The following KRTAP4-12 variants were observed in gnomAD, a reference collection of about 807,000 sequenced individuals.
KRTAP4-12 encodes keratin associated protein 4-12, also known as keratin-associated protein 4-12.
Under a neutral mutation model 0.9 loss-of-function variants are expected in KRTAP4-12, and 1 was observed. That is an observed-to-expected ratio of 1.11 (90% confidence interval 0.40 to 5.29). The LOEUF (loss-of-function observed/expected upper bound fraction) is 5.29. Among genes scored for constraint, KRTAP4-12 ranks in the 30% most tolerant of loss-of-function variants. The probability of loss-of-function intolerance (pLI) is 0.16; values close to 1 mark genes in which losing one functional copy is unlikely to be tolerated. For missense variants in KRTAP4-12, 240 were observed against 265.6 expected (o/e 0.90, Z 0.67); for synonymous variants, 85 against 94.0 (o/e 0.90, Z 0.55).
rs957384562 is a variant in KRTAP4-12 at position 41,123,162 on chromosome 17, G to A, written c.*355C>T. The stretch of plus-strand genomic sequence containing the variant: ...ACAAGGTACAAAAATGTTTGCAAAA[G>A]ACTTTAAGAGAGAGACTTCACTGGA... On this transcript the variant is annotated 3_prime_UTR_variant, in exon 1 of 1. Transcript: ENST00000394014. The A allele has an allele frequency of 5.2e-5, 20 of 385,684 alleles. No individual in the cohort carries two copies. The highest frequency in any genetic ancestry group is 9.2e-5 in the Non-Finnish European group (20 of 217,882). 23.9% of individuals were successfully genotyped at this position (385,684 alleles called of 1,614,324 possible).
Position 41,124,125 on chromosome 17 carries a change from T to A in KRTAP4-12, c.-3A>T. 6.2e-7 allele frequency: 1 copy of A among 1,606,482 alleles called. No homozygotes were observed. The highest frequency in any genetic ancestry group is 8.5e-7 in the Non-Finnish European group (1 of 1,175,064). On this transcript the variant is annotated 5_prime_UTR_variant, in exon 1 of 1. Transcript: ENST00000394014. ...GAGCCACAACAGGAGTTGACCATGG[T>A]GTCAGAGGGTGGAGGTTCTCGGTGG...
Position 41,123,104 on chromosome 17 carries a change from T to A in KRTAP4-12, c.*413A>T, listed in dbSNP as rs1001795255. ...AATCATATTCAATTTTCAGTGCCAATAGAATAGAGGTTTATTTTGGTACAT... is the reference window on the plus strand; with the variant it reads ...AATCATATTCAATTTTCAGTGCCAAAAGAATAGAGGTTTATTTTGGTACAT... On this transcript the variant is annotated 3_prime_UTR_variant, in exon 1 of 1. Transcript: ENST00000394014. 4.3e-6 allele frequency: 1 copy of A among 234,374 alleles called. No individual in the cohort carries two copies. Among genetic ancestry groups the A allele is most frequent in the African/African-American group, 2.3e-5 (1 of 43,614 alleles). The allele number at this position is 234,374 out of a possible 1,614,324, so 14.5% of individuals were successfully genotyped here.
chr17:41,123,688 G>A lies in KRTAP4-12; in HGVS notation c.435C>T (p.Cys145=), dbSNP rs769937997. Residue 145 remains cysteine (C), a synonymous_variant, in exon 1 of 1, where the codon TGC becomes TGT. Transcript: ENST00000394014. ...AGGGGCAGCAGCTGCTGGAGATGCA[G>A]CAGCTGGGGCGGCAGCAGGTGGGCT... is the stretch of plus-strand genomic sequence containing the variant. ...CCQPTCCRPS[C]CISSSCCPSC... The A allele has an allele frequency of 5.6e-6, 9 of 1,612,944 alleles. No individual in the cohort carries two copies. Among genetic ancestry groups the A allele is most frequent in the Middle Eastern group, 1.7e-4 (1 of 5,952 alleles).
Position 41,124,143 on chromosome 17 carries a change from C to T in KRTAP4-12, c.-21G>A, listed in dbSNP as rs747855182. 1.3e-6 allele frequency: 2 copies of T among 1,591,350 alleles called. No homozygotes were observed. The highest frequency in any genetic ancestry group is 4.5e-5 in the East Asian group (2 of 44,564). On this transcript the variant is annotated 5_prime_UTR_variant, in exon 1 of 1. Transcript: ENST00000394014. ...ACCATGGTGTCAGAGGGTGGAGGTT[C>T]TCGGTGGGTTTCCAGGAGAGTGAGT... is the stretch of plus-strand genomic sequence containing the variant.
chr17:41,123,548 C>A lies in KRTAP4-12; in HGVS notation c.575G>T (p.Arg192Leu). The change falls in exon 1 of 1, where the codon CGC (arginine) becomes CTC (leucine). Residue 192 changes from arginine to leucine, a missense_variant. By Grantham distance (102) the Arg-to-Leu change is moderately radical. Transcript: ENST00000394014. ...RPTCVISTCP[R>L]PLCCASSCC ...GCAAGAGGAGGCACAGCACAAGGGG[C>A]GGGGGCAGGTGGAGATGACACAGGT... 6.2e-7 allele frequency: 1 copy of A among 1,612,454 alleles called. No individual in the cohort carries two copies. The highest frequency in any genetic ancestry group is 8.5e-7 in the Non-Finnish European group (1 of 1,179,396).
Position 41,123,460 on chromosome 17 carries a change from G to A in KRTAP4-12, c.*57C>T. The stretch of plus-strand genomic sequence containing the variant: ...TGAACAGTCCGCATGTTTGCAATGA[G>A]AGCCTTCATCTGTAGGAAAGGACGT... On this transcript the variant is annotated 3_prime_UTR_variant, in exon 1 of 1. Transcript: ENST00000394014. 1 of 1,541,600 alleles carries A rather than the reference G, an allele frequency of 6.5e-7. No individual in the cohort carries two copies. The highest frequency in any genetic ancestry group is 2.0e-5 in the Admixed American group (1 of 50,910).
chr17:41,123,286 G>C lies in KRTAP4-12; in HGVS notation c.*231C>G. On this transcript the variant is annotated 3_prime_UTR_variant, in exon 1 of 1. Coordinates refer to ENST00000394014, the MANE Select transcript of KRTAP4-12 (RefSeq NM_031854.3). ...TGAATAAATGTCCTGAAGTCAAAGA[G>C]GTGGGAGGATGTTGGAGGACAATTT... 1.2e-6 allele frequency: 1 copy of C among 826,082 alleles called. No homozygotes were observed. The highest frequency in any genetic ancestry group is 1.9e-6 in the Non-Finnish European group (1 of 536,492). 51.2% of individuals were successfully genotyped at this position (826,082 alleles called of 1,614,324 possible).
chr17:41,123,596 C>T lies in KRTAP4-12; in HGVS notation c.527G>A (p.Cys176Tyr), dbSNP rs552681300. ...GGTTGGGCGATAGCAAGTGGTGTGGCAGGAGACTCGGCCACAGACTGGACG... is the reference window on the plus strand; with the variant it reads ...GGTTGGGCGATAGCAAGTGGTGTGGTAGGAGACTCGGCCACAGACTGGACG... ...CLRPVCGRVS[C>Y]HTTCYRPTCV... Residue 176 changes from cysteine to tyrosine, a missense_variant, in exon 1 of 1, where the codon TGC becomes TAC. Cys to Tyr is a radical substitution (Grantham distance 194). Around this residue, in one of 3 missense-constraint regions of KRTAP4-12, gnomAD observed 119 missense variants for 106.2 expected, o/e 1.12. Transcript: ENST00000394014. 6.2e-7 allele frequency: 1 copy of T among 1,612,802 alleles called. No individual in the cohort carries two copies. Among genetic ancestry groups the T allele is most frequent in the East Asian group, 2.2e-5 (1 of 44,844 alleles).
At position 41,124,052 on chromosome 17, in the gene KRTAP4-12, C is replaced by G. The variant is rs781409227; in HGVS notation, c.71G>C (p.Ser24Thr). 6.2e-7 allele frequency: 1 copy of G among 1,613,802 alleles called. No homozygotes were observed. The highest frequency in any genetic ancestry group is 1.1e-5 in the South Asian group (1 of 91,044). Residue 24 changes from serine (S) to threonine (T), a missense_variant, in exon 1 of 1, where the codon AGC becomes ACC. This residue lies in a region of KRTAP4-12 where 110 missense variants were observed against 115.0 expected (regional missense o/e 0.96). Transcript: ENST00000394014. ...CCTGCAGCAGGTGGTCTGGCAGCAGCTGGGGCGGCAGCAGTTCTCCAGGCC... is the reference window on the plus strand; with the variant it reads ...CCTGCAGCAGGTGGTCTGGCAGCAGGTGGGGCGGCAGCAGTTCTCCAGGCC... ...GCGLENCCRP[S>T]CCQTTCCRTT...
At position 41,123,386 on chromosome 17, in the gene KRTAP4-12, C is replaced by T. The variant is rs1464588515; in HGVS notation, c.*131G>A. On this transcript the variant is annotated 3_prime_UTR_variant, in exon 1 of 1. Coordinates refer to ENST00000394014, the MANE Select transcript of KRTAP4-12 (RefSeq NM_031854.3). ...TTGGACAAAAGGTAGAATGCAAATA[C>T]AGAATTTCTAAGGATGAGGTTTGCT... 5.6e-6 allele frequency: 8 copies of T among 1,434,298 alleles called. No individual in the cohort carries two copies. The African/African-American group carries it at 8.7e-5, about 16-fold the overall frequency. The allele number at this position is 1,434,298 out of a possible 1,614,324, so 88.8% of individuals were successfully genotyped here. A position where few individuals can be genotyped will look rare whatever the true frequency, so the allele number is the denominator to read the frequency against.
At position 41,123,101 on chromosome 17, in the gene KRTAP4-12, C is replaced by T. The variant is rs2014433108; in HGVS notation, c.*416G>A. The stretch of plus-strand genomic sequence containing the variant: ...AAGAATCATATTCAATTTTCAGTGC[C>T]AATAGAATAGAGGTTTATTTTGGTA... On this transcript the variant is annotated 3_prime_UTR_variant, in exon 1 of 1. Transcript: ENST00000394014. 4.3e-6 allele frequency: 1 copy of T among 233,298 alleles called. No individual in the cohort carries two copies. Among genetic ancestry groups the T allele is most frequent in the Admixed American group, 5.0e-5 (1 of 19,842 alleles). 14.5% of individuals were successfully genotyped at this position (233,298 alleles called of 1,614,324 possible).
Position 41,123,874 on chromosome 17 carries a change from G to A in KRTAP4-12, c.249C>T (p.Ser83=). Residue 83 remains serine (S), a synonymous_variant, in exon 1 of 1, where the codon TCC becomes TCT. Transcript: ENST00000394014. ...TTCCRPSCCV[S]SCCRPQCCQS... Reference sequence around the variant, plus strand: ...GGCAGCACTGGGGTCTGCAGCAGCTGGACACACAGCAGCTGGGGCGGCAGC... The same window carrying A: ...GGCAGCACTGGGGTCTGCAGCAGCTAGACACACAGCAGCTGGGGCGGCAGC... 1.3e-6 allele frequency: 2 copies of A among 1,572,090 alleles called. No individual in the cohort carries two copies. The highest frequency in any genetic ancestry group is 1.7e-6 in the Non-Finnish European group (2 of 1,173,246).
At position 41,124,036 on chromosome 17, in the gene KRTAP4-12, G is replaced by A. The variant is rs1339066405; in HGVS notation, c.87C>T (p.Thr29=). 3 of 1,613,090 alleles carry A rather than the reference G, an allele frequency of 1.9e-6. No homozygotes were observed. The highest frequency in any genetic ancestry group is 1.7e-6 in the Non-Finnish European group (2 of 1,179,892). The change falls in exon 1 of 1, where the codon ACC becomes ACT. Residue 29 remains threonine (T), a synonymous_variant. Transcript: ENST00000394014. ...GGCGGCAGCAGGTGGTCCTGCAGCA[G>A]GTGGTCTGGCAGCAGCTGGGGCGGC... ...NCCRPSCCQT[T]CCRTTCCRPS...
In KRTAP4-12 at chr17:41,123,286, G is replaced by T. The variant is rs142711760; in HGVS notation, c.*231C>A. On this transcript the variant is annotated 3_prime_UTR_variant, in exon 1 of 1. Transcript: ENST00000394014. ...TGAATAAATGTCCTGAAGTCAAAGA[G>T]GTGGGAGGATGTTGGAGGACAATTT... 3.6e-6 allele frequency: 3 copies of T among 826,082 alleles called. No individual in the cohort carries two copies. Among genetic ancestry groups the T allele is most frequent in the Non-Finnish European group, 5.6e-6 (3 of 536,492 alleles). 51.2% of individuals were successfully genotyped at this position (826,082 alleles called of 1,614,324 possible).
chr17:41,123,320 A>T lies in KRTAP4-12; in HGVS notation c.*197T>A. 1 of 1,097,688 alleles carries T rather than the reference A, an allele frequency of 9.1e-7. No individual in the cohort carries two copies. Among genetic ancestry groups the T allele is most frequent in the Non-Finnish European group, 1.3e-6 (1 of 781,182 alleles). The allele number at this position is 1,097,688 out of a possible 1,614,324, so 68.0% of individuals were successfully genotyped here. On this transcript the variant is annotated 3_prime_UTR_variant, in exon 1 of 1. Coordinates refer to ENST00000394014, the MANE Select transcript of KRTAP4-12 (RefSeq NM_031854.3). ...ATGTTGGAGGACAATTTGTCAATTT[A>T]TTAGGAGATTGTCAATGAATTCCTT...
Position 41,123,367 on chromosome 17 carries a change from A to T in KRTAP4-12, c.*150T>A, listed in dbSNP as rs2014437746. On this transcript the variant is annotated 3_prime_UTR_variant, in exon 1 of 1. Transcript: ENST00000394014. ...CCTTTGGAAGGAAGGGAGTTTGGAC[A>T]AAAGGTAGAATGCAAATACAGAATT... 2 of 1,396,036 alleles carry T rather than the reference A, an allele frequency of 1.4e-6. No homozygotes were observed. Among genetic ancestry groups the T allele is most frequent in the Admixed American group, 2.9e-5 (1 of 34,904 alleles). 86.5% of individuals were successfully genotyped at this position (1,396,036 alleles called of 1,614,324 possible). A position where few individuals can be genotyped will look rare whatever the true frequency, so the allele number is the denominator to read the frequency against.
Position 41,123,572 on chromosome 17 carries a change from G to A in KRTAP4-12, c.551C>T (p.Thr184Ile). ...VSCHTTCYRP[T>I]CVISTCPRPL... ...GCGGGGGCAGGTGGAGATGACACAG[G>A]TTGGGCGATAGCAAGTGGTGTGGCA... Residue 184 changes from threonine to isoleucine, a missense_variant, in exon 1 of 1, where the codon ACC becomes ATC. This residue lies in a region of KRTAP4-12 where 119 missense variants were observed against 106.2 expected (regional missense o/e 1.12). Transcript: ENST00000394014. The A allele has an allele frequency of 1.2e-6, 2 of 1,613,012 alleles. No individual in the cohort carries two copies. Among genetic ancestry groups the A allele is most frequent in the Admixed American group, 1.7e-5 (1 of 59,804 alleles).
Position 41,123,403 on chromosome 17 carries a change from A to G in KRTAP4-12, c.*114T>C. On this transcript the variant is annotated 3_prime_UTR_variant, in exon 1 of 1. Coordinates refer to ENST00000394014, the MANE Select transcript of KRTAP4-12 (RefSeq NM_031854.3). ...TGCAAATACAGAATTTCTAAGGATGAGGTTTGCTTATGGGACCCAGATCAA... is the reference window on the plus strand; with the variant it reads ...TGCAAATACAGAATTTCTAAGGATGGGGTTTGCTTATGGGACCCAGATCAA... The G allele has an allele frequency of 6.9e-7, 1 of 1,451,122 alleles. No homozygotes were observed. The highest frequency in any genetic ancestry group is 9.1e-7 in the Non-Finnish European group (1 of 1,096,464). 89.9% of individuals were successfully genotyped at this position (1,451,122 alleles called of 1,614,324 possible).
At position 41,124,013 on chromosome 17, in the gene KRTAP4-12, C is replaced by T. The variant is rs746329574; in HGVS notation, c.110G>A (p.Arg37His). 2.9e-5 allele frequency: 47 copies of T among 1,604,188 alleles called. 1 individual carries two copies. In the Middle Eastern group the frequency reaches 1.3e-3, roughly 45 times the overall value. ...QTTCCRTTCCRPSCCVSSCCR... is the reference protein window; with the variant it reads ...QTTCCRTTCCHPSCCVSSCCR... Reference sequence around the variant, plus strand: ...GCAGCTGGACACACAGCAGCTGGGGCGGCAGCAGGTGGTCCTGCAGCAGGT... The same window carrying T: ...GCAGCTGGACACACAGCAGCTGGGGTGGCAGCAGGTGGTCCTGCAGCAGGT... Residue 37 changes from arginine to histidine, a missense_variant, in exon 1 of 1, where the codon CGC (arginine) becomes CAC (histidine). Physicochemically the swap from Arg to His is conservative, Grantham distance 29 (BLOSUM62 0). Coordinates refer to ENST00000394014, the MANE Select transcript of KRTAP4-12 (RefSeq NM_031854.3).
Sources: gnomAD v4.1 joint callset for allele counts on GRCh38, gnomAD v4.1.1 for gene constraint, gnomAD v4.1.1 regional missense constraint, MANE v1.5 for transcripts, NCBI Gene and HGNC (gene_info 2026-07-23, HGNC 2026-07-21) for gene names.